TLR7: variants seen among roughly 807,000 people sequenced by gnomAD.
The protein encoded by TLR7 is toll like receptor 7, also known as toll-like receptor 7.
A neutral mutation model predicts 38.3 loss-of-function variants in TLR7; 12 were observed. The observed-to-expected ratio is 0.31, with a 90% CI of 0.20 to 0.51. The LOEUF is 0.51. TLR7 is among the 20% of genes least tolerant of loss of function. The pLI is 0.98. For synonymous variants in TLR7, 285 were observed against 293.8 expected, an observed-to-expected ratio of 0.97 and a Z score of 0.31; for missense variants, 504 against 743.4, an observed-to-expected ratio of 0.68 and a Z score of 3.74.
chrX:12,873,042 T>G (rs1316388053), intron 2 of TLR7, among the ~76,000 whole-genome samples: 1 of 111,384 alleles, frequency 9.0e-6, no homozygotes, highest in East Asian at 2.8e-4. Flanking sequence ...CTTCATCTCC[T>G]ATTGTTCTCC....
intron 2 of TLR7, among the ~76,000 whole-genome samples, chrX:12,877,988 T>C (rs959798342): frequency 8.9e-6 from 1 of 112,044 alleles, no homozygotes; most frequent in African/African-American, 3.2e-5. Context: ...GGCATCCTAA[T>C]GATGGAGTAT....
At position 12,888,804 on chromosome X, in the gene TLR7, G is replaced by A; in HGVS notation, c.*146G>A. On this transcript the variant is annotated 3_prime_UTR_variant, in exon 3 of 3. Transcript: ENST00000380659. ...TATTTCAGGGGAGCCACCAACGTCT[G>A]TCACAGGAGTTGGAAAGATGGGGTT... 3.4e-6 allele frequency: 2 copies of A among 588,452 alleles called. No homozygotes were observed. The highest frequency in any genetic ancestry group is 5.1e-6 in the Non-Finnish European group (2 of 391,319). The allele number at this position is 588,452 out of a possible 1,213,427, so 48.5% of individuals were successfully genotyped here.
rs776034007 is a variant in TLR7, at chrX:12,886,071, C to G, written c.563C>G (p.Pro188Arg). The G allele has an allele frequency of 1.7e-6, 2 of 1,211,044 alleles. No homozygotes were observed. Among genetic ancestry groups the G allele is most frequent in the South Asian group, 3.5e-5 (2 of 56,977 alleles). The change falls in exon 3 of 3, where the codon CCT (proline) becomes CGT (arginine). Residue 188 changes from proline (P) to arginine (R), a missense_variant. Transcript: ENST00000380659. ...GGCCAAAACTGTTATTATCGAAATC[C>G]TTGTTATGTTTCATATTCAATAGAG... is the stretch of plus-strand genomic sequence containing the variant. ...YLGQNCYYRN[P>R]CYVSYSIEKD...
intron 2 of TLR7, among the ~76,000 whole-genome samples, chrX:12,883,603 G>C (rs907599315): frequency 3.6e-5 from 4 of 111,524 alleles, no homozygotes; most frequent in African/African-American, 1.3e-4. Flanking sequence ...GATCGCTTGA[G>C]CCTGGGAAAC....
Position 12,886,416 on chromosome X carries a change from A to G in TLR7, c.908A>G (p.Gln303Arg), listed in dbSNP as rs1421796395. 8.3e-7 allele frequency: 1 copy of G among 1,210,286 alleles called. No individual in the cohort carries two copies. Among genetic ancestry groups the G allele is most frequent in the Non-Finnish European group, 1.1e-6 (1 of 895,185 alleles). The part of the protein sequence containing the change: ...KVLRLHSNSL[Q>R]HVPPRWFKNI... ...TTACGTCTACACAGTAACTCTCTTC[A>G]GCATGTGCCCCCAAGATGGTTTAAG... The change falls in exon 3 of 3, where the codon CAG becomes CGG. Residue 303 changes from glutamine (Q) to arginine (R), a missense_variant. By Grantham distance (43) the Gln-to-Arg change is conservative (BLOSUM62 1). Coordinates refer to ENST00000380659, the MANE Select transcript of TLR7 (RefSeq NM_016562.4).
intron 2 of TLR7, among the ~76,000 whole-genome samples, chrX:12,871,608 CTT>C (rs1184757364): frequency 8.9e-6 from 1 of 112,091 alleles, no homozygotes; most frequent in Admixed American, 9.5e-5. Flanking sequence ...TCAAGCAACT[CTT>C]TGTCTTAGAA....
At chrX:12,882,885 G>A (rs766189644) in intron 2 of TLR7, among the ~76,000 whole-genome samples, 4 of 111,755 alleles carry the variant, frequency 3.6e-5, no homozygotes, top group African/African-American at 1.3e-4. Context: ...CATGGGAATG[G>A]GATGGGAAGA....
At chrX:12,876,784 T>C (rs1569107621) in intron 2 of TLR7, among the ~76,000 whole-genome samples, 1 of 112,222 alleles carries the variant, frequency 8.9e-6, no homozygotes, top group Non-Finnish European at 1.9e-5. Context: ...AGTTTGCTAA[T>C]TGAGCATCCA....
In TLR7 at chrX:12,885,576, A is replaced by G. The variant is rs1489798746; in HGVS notation, c.68A>G (p.Lys23Arg). The G allele has an allele frequency of 1.7e-5, 20 of 1,210,446 alleles. No individual in the cohort carries two copies. Among genetic ancestry groups the G allele is most frequent in the Non-Finnish European group, 2.2e-5 (20 of 894,565 alleles). ...CTTTTTAACATAATCCTAATTTCCA[A>G]ACTCCTTGGGGCTAGATGGTTTCCT... Reference protein sequence around the residue: ...LILFNIILISKLLGARWFPKT... With the variant: ...LILFNIILISRLLGARWFPKT... The change falls in exon 3 of 3, where the codon AAA (lysine) becomes AGA (arginine). Residue 23 changes from lysine to arginine, a missense_variant. By Grantham distance (26) the Lys-to-Arg change is conservative (BLOSUM62 2). Coordinates refer to ENST00000380659, the MANE Select transcript of TLR7 (RefSeq NM_016562.4).
chrX:12,869,493 A>C (rs944473879), intron 2 of TLR7, among the ~76,000 whole-genome samples: 1 of 111,308 alleles, frequency 9.0e-6, no homozygotes, highest in African/African-American at 3.3e-5. Flanking sequence ...AGGAACAAAA[A>C]ACCAAACACC....
At chrX:12,884,597 A>C (rs1383718400) in intron 2 of TLR7, among the ~76,000 whole-genome samples, 1 of 111,800 alleles carries the variant, frequency 8.9e-6, no homozygotes, top group Non-Finnish European at 1.9e-5. Context: ...GTCATGCTAA[A>C]CCTAGATGCA....
In TLR7 at chrX:12,887,643, C is replaced by A. The variant is rs370146006; in HGVS notation, c.2135C>A (p.Thr712Asn). Residue 712 changes from threonine (T) to asparagine (N), a missense_variant, in exon 3 of 3, where the codon ACC (threonine) becomes AAC (asparagine). By Grantham distance (65) the Thr-to-Asn change is moderately conservative. Transcript: ENST00000380659. Reference sequence around the variant, plus strand: ...TTGGACCTCAGCCACAACCAACTGACCACTGTCCCTGAGAGATTATCCAAC... The same window carrying A: ...TTGGACCTCAGCCACAACCAACTGAACACTGTCCCTGAGAGATTATCCAAC... ...ETLDLSHNQL[T>N]TVPERLSNCS... The A allele has an allele frequency of 1.7e-6, 2 of 1,211,043 alleles. No homozygotes were observed. Among genetic ancestry groups the A allele is most frequent in the Admixed American group, 4.3e-5 (2 of 46,038 alleles).
chrX:12,880,523 AC>A (rs1214182029), intron 2 of TLR7, among the ~76,000 whole-genome samples: 1 of 111,943 alleles, frequency 8.9e-6, no homozygotes, highest in African/African-American at 3.3e-5. Flanking sequence ...AGCTTCTTAA[AC>A]CTTTTCCCCC....
At chrX:12,873,602 A>G in intron 2 of TLR7, among the ~76,000 whole-genome samples, 1 of 112,018 alleles carries the variant, frequency 8.9e-6, no homozygotes, top group Non-Finnish European at 1.9e-5. Flanking sequence ...TTTATGATAA[A>G]AAGTCAAAGA....
chrX:12,879,881 A>T (rs775627591), intron 2 of TLR7, among the ~76,000 whole-genome samples: 8 of 112,026 alleles, frequency 7.1e-5, no homozygotes, highest in African/African-American at 2.6e-4. Context: ...AGAGATGTGT[A>T]GCAATCTCTG....
In TLR7 at chrX:12,868,801, G is replaced by A. The variant is rs895446995; in HGVS notation, c.3+1220G>A. Among the ~76,000 whole-genome samples, 4 of 111,530 alleles carry A rather than the reference G, an allele frequency of 3.6e-5. No homozygotes were observed. The Admixed American group carries it at 3.8e-4, about 11-fold the overall frequency. On this transcript the variant is annotated intron_variant, in intron 2 of 2. Coordinates refer to ENST00000380659, the MANE Select transcript of TLR7 (RefSeq NM_016562.4). ...CATTTTGTGTCAAAGTTCTAATGAA[G>A]CATTAACCATGGGGCTATTGTTACA...
At chrX:12,876,685 A>G (rs2042871782) in intron 2 of TLR7, among the ~76,000 whole-genome samples, 1 of 112,245 alleles carries the variant, frequency 8.9e-6, no homozygotes, top group South Asian at 3.7e-4. Context: ...TAAATTCTCT[A>G]TTTTCCATTT....
Position 12,888,352 on chromosome X carries a change from G to C in TLR7, c.2844G>C (p.Gln948His), listed in dbSNP as rs1488072525. ...PVLENLSQSI[Q>H]LSKKTVFVMT... Reference sequence around the variant, plus strand: ...TGGAAAACCTTTCCCAGAGCATACAGCTTAGCAAAAAGACAGTGTTTGTGA... The same window carrying C: ...TGGAAAACCTTTCCCAGAGCATACACCTTAGCAAAAAGACAGTGTTTGTGA... The change falls in exon 3 of 3, where the codon CAG becomes CAC. Residue 948 changes from glutamine to histidine, a missense_variant. Coordinates refer to ENST00000380659, the MANE Select transcript of TLR7 (RefSeq NM_016562.4). The C allele has an allele frequency of 8.3e-7, 1 of 1,211,895 alleles. No individual in the cohort carries two copies. The highest frequency in any genetic ancestry group is 3.0e-5 in the East Asian group (1 of 33,870).
chrX:12,881,621 A>C (rs773352378), intron 2 of TLR7, among the ~76,000 whole-genome samples: 77 of 108,299 alleles, frequency 7.1e-4, no homozygotes, highest in Middle Eastern at 4.8e-3. Flanking sequence ...TTCCACTTAG[A>C]GTGGACAATC....
Sources: gnomAD v4.1 joint callset for allele counts (sites outside exome capture counted in the v4.1 genomes callset) on GRCh38, gnomAD v4.1.1 for gene constraint, MANE v1.5 for transcripts, NCBI Gene and HGNC (gene_info 2026-07-23, HGNC 2026-07-21) for gene names.